NBPF12: variants seen among roughly 807,000 people sequenced by gnomAD.
NBPF12 encodes the protein NBPF member 12.
In NBPF12, 115 loss-of-function variants were observed where a neutral mutation model predicts 146.4. The observed-to-expected ratio is 0.79, with a 90% CI of 0.68 to 0.92. The LOEUF (loss-of-function observed/expected upper bound fraction) is 0.92. NBPF12 is among the 40% of genes least tolerant of loss of function. The probability of loss-of-function intolerance (pLI) is 0.00; values close to 1 mark genes in which losing one functional copy is unlikely to be tolerated. For synonymous variants in NBPF12, 385 were observed against 508.9 expected, an observed-to-expected ratio of 0.76 and a Z score of 3.28; for missense variants, 1,205 against 1,326.8, an observed-to-expected ratio of 0.91 and a Z score of 1.43.
In NBPF12 at chr1:146,957,841, A is replaced by AAG. The variant is rs1655664616; in HGVS notation, c.-183-2017_-183-2016insGA. On this transcript the variant is annotated intron_variant, in intron 2 of 33. Transcript: ENST00000617844. ...CACTTAAAAAAGAAAAAAAAAATAT[A>AAG]ATATATATATATATACACGTGTTAT... Among the ~76,000 whole-genome samples the AAG allele has an allele frequency of 6.8e-5, 8 of 116,992 alleles. 2 individuals are homozygous for AAG. The South Asian group carries it at 1.2e-3, about 18-fold the overall frequency. The allele number at this position is 116,992 out of a possible 152,430, so 76.8% of individuals were successfully genotyped here.
chr1:146,962,018 T>G (rs1655882341), intron 4 of NBPF12, 143 bp from the exon 8 acceptor site: 2 of 701,710 alleles, frequency 2.9e-6, no homozygotes, highest in African/African-American at 3.6e-5. Context: ...GACTGAAGAG[T>G]AAAGATGTGG....
chr1:146,961,255 A>T (rs1282488950), intron 4 of NBPF12, among the ~76,000 whole-genome samples: 1 of 151,822 alleles, frequency 6.6e-6, no homozygotes, highest in Non-Finnish European at 1.5e-5. Flanking sequence ...GTTCCTAAAG[A>T]GGAAGAAAGA....
At chr1:146,950,790 T>C (rs1375642747) in intron 1 of NBPF12, among the ~76,000 whole-genome samples, 4 of 152,262 alleles carry the variant, frequency 2.6e-5, no homozygotes, top group East Asian at 3.9e-4. Flanking sequence ...GATATTTGAA[T>C]ACAAGAATGT....
chr1:146,943,766 G>A (rs1654902457), intron 2 of NBPF12, among the ~76,000 whole-genome samples: 2 of 151,838 alleles, frequency 1.3e-5, no homozygotes, highest in Non-Finnish European at 2.9e-5. Flanking sequence ...CCATGGTCGG[G>A]TGAAAGTGAT....
At chr1:146,984,593 G>C (rs1657617413) in intron 21 of NBPF12, among the ~76,000 whole-genome samples, 3 of 128,666 alleles carry the variant, frequency 2.3e-5, no homozygotes, top group African/African-American at 4.1e-5. Flanking sequence ...GTGTGTGTGT[G>C]TGTGTGTGTG....
intron 17 of NBPF12, among the ~76,000 whole-genome samples, 171 bp downstream of exon 20, chr1:146,977,172 A>T (rs1252363574): frequency 6.8e-6 from 1 of 147,500 alleles, no homozygotes. Flanking sequence ...ATGTTTCTCT[A>T]TGTGTGCCGA....
intron 23 of NBPF12, among the ~76,000 whole-genome samples, chr1:146,986,080 G>C (rs1417000325): frequency 6.6e-6 from 1 of 151,930 alleles, no homozygotes; most frequent in Non-Finnish European, 1.5e-5. Context: ...CTAAATCAGA[G>C]TGTCCTTTGA....
At chr1:146,995,918 T>A (rs1658512590) in exon 34 of NBPF12, 1 of 150,772 alleles carries the variant, frequency 6.6e-6, no homozygotes, top group African/African-American at 2.5e-5. Flanking sequence ...CCTCCCTGCC[T>A]GTGTCTATTA....
At chr1:146,962,559 C>G (rs1655922178) in intron 5 of NBPF12, among the ~76,000 whole-genome samples, 1 of 151,762 alleles carries the variant, frequency 6.6e-6, no homozygotes, top group Non-Finnish European at 1.5e-5. Flanking sequence ...TCAGTATACT[C>G]AAAATGGTGT....
intron 33 of NBPF12, 30 bp from the exon 37 acceptor site, chr1:146,994,302 C>G (rs587659072): frequency 6.2e-7 from 1 of 1,611,442 alleles, no homozygotes; most frequent in South Asian, 1.1e-5. Context: ...CTTTCCCTGG[C>G]TGCTTCTTTA....
intron 31 of NBPF12, among the ~76,000 whole-genome samples, chr1:146,992,472 G>GTGTGTC (rs1658251413): frequency 9.7e-6 from 1 of 103,134 alleles, no homozygotes; most frequent in Non-Finnish European, 1.9e-5. Flanking sequence ...CTGTGTGTGT[G>GTGTGTC]TGTGTGTGTG....
At chr1:146,960,886 T>C (rs1236488478) in intron 4 of NBPF12, among the ~76,000 whole-genome samples, 1 of 152,052 alleles carries the variant, frequency 6.6e-6, no homozygotes, top group African/African-American at 2.4e-5. Flanking sequence ...CATGGCTCAC[T>C]CCTGTAATCT....
intron 21 of NBPF12, 130 bp from the exon 25 acceptor site, chr1:146,984,683 T>C: frequency 1.4e-6 from 1 of 724,420 alleles, no homozygotes. Flanking sequence ...AGGCAATAAT[T>C]TGTTACCTCA....
At chr1:146,984,391 G>A (rs1200265399) in intron 21 of NBPF12, among the ~76,000 whole-genome samples, 1 of 149,372 alleles carries the variant, frequency 6.7e-6, no homozygotes, top group Admixed American at 6.7e-5. Context: ...ACCTAGTGAA[G>A]GTTGACCATA....
At chr1:146,965,535 C>A (rs1223020268) in intron 8 of NBPF12, among the ~76,000 whole-genome samples, 10 of 150,518 alleles carry the variant, frequency 6.6e-5, no homozygotes, top group Admixed American at 5.3e-4. Context: ...GTAATCCCAG[C>A]ACTTTGGGAG....
intron 19 of NBPF12, among the ~76,000 whole-genome samples, chr1:146,980,843 T>C (rs1347533697): frequency 0.12 from 17,107 of 138,444 alleles, 1,261 homozygotes; most frequent in Admixed American, 0.23. Context: ...ATGTTTATTG[T>C]GGCACTATTC....
intron 2 of NBPF12, among the ~76,000 whole-genome samples, chr1:146,952,451 C>T (rs1343540738): frequency 1.3e-5 from 2 of 151,954 alleles, no homozygotes; most frequent in South Asian, 4.2e-4. Flanking sequence ...CACTTTATGT[C>T]AAATTAGAAA....
intron 21 of NBPF12, 74 bp from the exon 25 acceptor site, chr1:146,984,739 C>A (rs1657640432): frequency 1.2e-6 from 1 of 822,764 alleles, no homozygotes; most frequent in South Asian, 1.3e-5. Context: ...CTTATGTTAG[C>A]CATGAAATCT....
At chr1:146,977,274 T>G (rs1156983027) in intron 17 of NBPF12, among the ~76,000 whole-genome samples, 192 bp from the exon 21 acceptor site, 1 of 147,434 alleles carries the variant, frequency 6.8e-6, no homozygotes, top group African/African-American at 2.6e-5. Context: ...GCTCTCTTCC[T>G]CTCTGGTTCC....
Sources: allele counts gnomAD v4.1 joint callset (sites outside exome capture counted in the v4.1 genomes callset), GRCh38; gene constraint gnomAD v4.1.1; transcripts MANE v1.5; gene names NCBI Gene and HGNC (gene_info 2026-07-23, HGNC 2026-07-21).